DUSP16: variants seen among roughly 807,000 people sequenced by gnomAD.
DUSP16 encodes the protein dual specificity protein phosphatase 16.
DUSP16 carries 21 observed loss-of-function variants against 58.3 expected under a neutral mutation model. The ratio of observed to expected loss-of-function variants is 0.36; its 90% CI spans 0.26 to 0.52. DUSP16 has a LOEUF of 0.52. Among genes scored for constraint, DUSP16 ranks in the 20% least tolerant of loss-of-function variants. The pLI is 0.94. For missense variants in DUSP16, 726 were observed against 819.0 expected, an observed-to-expected ratio of 0.89 and a Z score of 1.39; for synonymous variants, 320 against 323.8, an observed-to-expected ratio of 0.99 and a Z score of 0.12.
At position 12,521,476 on chromosome 12, in the gene DUSP16, A is replaced by G. The variant is rs1334454930; in HGVS notation, c.-365-13T>C. On this transcript the variant is annotated splice_polypyrimidine_tract_variant and intron_variant, in intron 1 of 6. Coordinates refer to ENST00000298573, the MANE Select transcript of DUSP16 (RefSeq NM_030640.3). ...CTGGACTGAAAGCCTACGCGGAGAG[A>G]GAAAGACAGAAAACAAAACGTGAGG... is the stretch of plus-strand genomic sequence containing the variant. 7.7e-6 allele frequency: 8 copies of G among 1,043,052 alleles called. No individual in the cohort carries two copies. The highest frequency in any genetic ancestry group is 9.3e-6 in the Non-Finnish European group (8 of 863,424). The allele number at this position is 1,043,052 out of a possible 1,614,324, so 64.6% of individuals were successfully genotyped here. A position where few individuals can be genotyped will look rare whatever the true frequency, so the allele number is the denominator to read the frequency against.
Position 12,480,285 on chromosome 12 carries a change from G to A in DUSP16, c.753C>T (p.Ser251=), listed in dbSNP as rs376852745. ...LVHCLAGISR[S]ATIAIAYIMK... ...TGATGTAGGCGATAGCGATGGTGGC[G>A]GAGCGGGAGATCCCAGCTAAACAGT... Residue 251 remains serine, a synonymous_variant, in exon 6 of 7, where the codon TCC becomes TCT. Coordinates refer to ENST00000298573, the MANE Select transcript of DUSP16 (RefSeq NM_030640.3). 25 of 1,614,050 alleles carry A rather than the reference G, an allele frequency of 1.5e-5. No individual in the cohort carries two copies. Among genetic ancestry groups the A allele is most frequent in the Middle Eastern group, 1.6e-4 (1 of 6,084 alleles).
At position 12,488,223 on chromosome 12, in the gene DUSP16, G is replaced by A. The variant is rs184321509; in HGVS notation, c.532-1036C>T. On this transcript the variant is annotated intron_variant, in intron 4 of 6. Transcript: ENST00000298573. ...ACGATTCCTGTGCTTAGAAGGCCCT[G>A]TCCTTCTTCCAGAAGACACTCTTCC... 8.6e-5 allele frequency among the ~76,000 whole-genome samples: 13 copies of A among 151,626 alleles called. No individual in the cohort carries two copies. The East Asian group carries it at 2.2e-3, about 25-fold the overall frequency.
chr12:12,549,167 G>C (rs997990666), intron 1 of DUSP16, among the ~76,000 whole-genome samples: 1 of 151,726 alleles, frequency 6.6e-6, no homozygotes, highest in Non-Finnish European at 1.5e-5. Flanking sequence ...TCATTATTAG[G>C]GATACAACCC....
rs770541648 is a variant in DUSP16, at chr12:12,521,034, C to T, written c.65G>A (p.Gly22Glu). 6.2e-7 allele frequency: 1 copy of T among 1,614,152 alleles called. No homozygotes were observed. The highest frequency in any genetic ancestry group is 2.2e-5 in the East Asian group (1 of 44,886). ...TERLVALLESGTEKVLLIDSR... is the reference protein window; with the variant it reads ...TERLVALLESETEKVLLIDSR... Reference sequence around the variant, plus strand: ...ATCAATTAGCAGCACTTTTTCCGTTCCACTTTCCAGCAGAGCCACCAACCT... The same window carrying T: ...ATCAATTAGCAGCACTTTTTCCGTTTCACTTTCCAGCAGAGCCACCAACCT... Residue 22 changes from glycine (G) to glutamate (E), a missense_variant, in exon 2 of 7, where the codon GGA (glycine) becomes GAA (glutamate). Physicochemically the swap from Gly to Glu is moderately conservative, Grantham distance 98 (BLOSUM62 -2). Transcript: ENST00000298573.
chr12:12,536,671 G>C (rs1398508711), intron 1 of DUSP16, among the ~76,000 whole-genome samples: 1 of 152,024 alleles, frequency 6.6e-6, no homozygotes, highest in Non-Finnish European at 1.5e-5. Flanking sequence ...CTTAAACCTG[G>C]GAGGCAGAGG....
Position 12,477,310 on chromosome 12 carries a change from C to T in DUSP16, c.1521G>A (p.Gly507=), listed in dbSNP as rs143725667. 1.4e-5 allele frequency: 23 copies of T among 1,614,108 alleles called. No individual in the cohort carries two copies. In the African/African-American group the frequency reaches 2.8e-4, roughly 20 times the overall value. ...TGGTGTGGTAATTGTCCTCCACGCT[C>T]CCACTTCGATGCAGTGGAGATAAAA... ...RSLLSPLHRS[G]SVEDNYHTSF... The change falls in exon 7 of 7, where the codon GGG becomes GGA. Residue 507 remains glycine (G), a synonymous_variant. Coordinates refer to ENST00000298573, the MANE Select transcript of DUSP16 (RefSeq NM_030640.3). This position sits in a 1 kb window ranked among gnomAD's most constrained non-coding sequence, Gnocchi z 4.1.
chr12:12,534,026 G>A (rs1340140940), intron 1 of DUSP16, among the ~76,000 whole-genome samples: 1 of 152,198 alleles, frequency 6.6e-6, no homozygotes, highest in Non-Finnish European at 1.5e-5. Flanking sequence ...ACTAAAACGG[G>A]TAACTCTGGG....
At chr12:12,478,269 A>C (rs1309558446) in intron 6 of DUSP16, among the ~76,000 whole-genome samples, 1 of 151,520 alleles carries the variant, frequency 6.6e-6, no homozygotes, top group Admixed American at 6.6e-5. Context: ...TTGTCTCCTT[A>C]TTTTCAAAGG....
At chr12:12,540,949 CTTTTTTTT>C (rs1191975095) in intron 1 of DUSP16, among the ~76,000 whole-genome samples, 1 of 43,804 alleles carries the variant, frequency 2.3e-5, no homozygotes, top group Non-Finnish European at 4.4e-5. Context: ...CTTTTCTTTT[CTTTTTTTT>C]TTTTTTTTTT....
Position 12,477,955 on chromosome 12 carries a change from C to T in DUSP16, c.876G>A (p.Leu292=). 6.2e-7 allele frequency: 1 copy of T among 1,612,396 alleles called. No individual in the cohort carries two copies. Among genetic ancestry groups the T allele is most frequent in the Non-Finnish European group, 8.5e-7 (1 of 1,178,882 alleles). Residue 292 remains leucine (L), a synonymous_variant, in exon 7 of 7, where the codon CTG becomes CTA. Coordinates refer to ENST00000298573, the MANE Select transcript of DUSP16 (RefSeq NM_030640.3). The surrounding 1 kb of genome is among the most constrained non-coding windows in gnomAD (Gnocchi z 4.1). ...SPNFNFLGQL[L]DYEKKIKNQT... The stretch of plus-strand genomic sequence containing the variant: ...GGTTCTTAATCTTCTTCTCATAGTC[C>T]AGGAGTTGGCCCAGAAAATTGAAGT...
intron 1 of DUSP16, among the ~76,000 whole-genome samples, chr12:12,547,481 T>C (rs113541509): frequency 0.022 from 2,748 of 127,590 alleles, 123 homozygotes; most frequent in African/African-American, 0.079. Flanking sequence ...AGAAAATACA[T>C]TGTCCAATGA....
chr12:12,550,485 G>A lies in DUSP16; in HGVS notation c.-366+11632C>T, dbSNP rs532998423. On this transcript the variant is annotated intron_variant, in intron 1 of 6. Coordinates refer to ENST00000298573, the MANE Select transcript of DUSP16 (RefSeq NM_030640.3). The stretch of plus-strand genomic sequence containing the variant: ...GTACAACAGTGGGTCGAGGATGCAC[G>A]GTATGTGGTGATGATGTATCTATCA... Among the ~76,000 whole-genome samples, 31 of 152,226 alleles carry A rather than the reference G, an allele frequency of 2.0e-4. No homozygotes were observed. In the South Asian group the frequency reaches 4.8e-3, roughly 23 times the overall value.
Position 12,480,253 on chromosome 12 carries a change from C to A in DUSP16, c.785G>T (p.Arg262Met). Residue 262 changes from arginine to methionine, a missense_variant, in exon 6 of 7, where the codon AGG (arginine) becomes ATG (methionine). By Grantham distance (91) the Arg-to-Met change is moderately conservative. Transcript: ENST00000298573. ...AGCTTCATCTAAAGACATGTCCATC[C>A]TCTTCATGATGTAGGCGATAGCGAT... The part of the protein sequence containing the change: ...ATIAIAYIMK[R>M]MDMSLDEAYR... 2 of 1,614,188 alleles carry A rather than the reference C, an allele frequency of 1.2e-6. No homozygotes were observed. Among genetic ancestry groups the A allele is most frequent in the Non-Finnish European group, 1.7e-6 (2 of 1,180,030 alleles).
At chr12:12,492,805 T>C (rs1175138524) in intron 4 of DUSP16, among the ~76,000 whole-genome samples, 1 of 152,154 alleles carries the variant, frequency 6.6e-6, no homozygotes, top group Non-Finnish European at 1.5e-5. Context: ...CAATGACCAA[T>C]TCTCAGTCTT....
At position 12,476,715 on chromosome 12, in the gene DUSP16, A is replaced by G. The variant is rs750957475; in HGVS notation, c.*118T>C. 5.7e-6 allele frequency: 5 copies of G among 875,382 alleles called. No individual in the cohort carries two copies. The highest frequency in any genetic ancestry group is 5.5e-5 in the South Asian group (3 of 54,754). 54.2% of individuals were successfully genotyped at this position (875,382 alleles called of 1,614,324 possible). A position where few individuals can be genotyped will look rare whatever the true frequency, so the allele number is the denominator to read the frequency against. On this transcript the variant is annotated 3_prime_UTR_variant, in exon 7 of 7. Coordinates refer to ENST00000298573, the MANE Select transcript of DUSP16 (RefSeq NM_030640.3). ...TTGATCCACCTGTTGCTTTTACACC[A>G]TAGCTCCATTTTCCAAAAATATATA...
At chr12:12,506,525 A>G (rs1429692262) in intron 3 of DUSP16, among the ~76,000 whole-genome samples, 5 of 152,210 alleles carry the variant, frequency 3.3e-5, no homozygotes, top group African/African-American at 1.2e-4. Context: ...TCACTGTCCA[A>G]TCTTGCCAAG....
At chr12:12,542,388 G>C (rs368737111) in intron 1 of DUSP16, among the ~76,000 whole-genome samples, 9 of 109,676 alleles carry the variant, frequency 8.2e-5, no homozygotes, top group Admixed American at 2.1e-4. Context: ...AAAGAAAAGA[G>C]AAAAAAAAAA....
intron 3 of DUSP16, among the ~76,000 whole-genome samples, chr12:12,515,919 G>T (rs975165777): frequency 6.6e-6 from 1 of 151,834 alleles, no homozygotes; most frequent in African/African-American, 2.4e-5. Context: ...GAGACTACAG[G>T]CAGATGCCAC....
intron 1 of DUSP16, among the ~76,000 whole-genome samples, chr12:12,537,252 C>T (rs1055514922): frequency 3.3e-5 from 5 of 152,034 alleles, no homozygotes; most frequent in Non-Finnish European, 7.4e-5. Context: ...CAAAGTGAAA[C>T]CTAAATGAAT....
Sources: allele counts gnomAD v4.1 joint callset (sites outside exome capture counted in the v4.1 genomes callset), GRCh38; gene constraint gnomAD v4.1.1; non-coding constraint Gnocchi (gnomAD v3.1); transcripts MANE v1.5; gene names NCBI Gene and HGNC (gene_info 2026-07-23, HGNC 2026-07-21).